The following SHOC2 variants were observed in gnomAD, a reference collection of about 807,000 sequenced individuals.
The protein encoded by SHOC2 is leucine-rich repeat protein SHOC-2.
Under a neutral mutation model 50.2 loss-of-function variants are expected in SHOC2, and 4 were observed. The observed-to-expected ratio is 0.08, with a 90% CI of 0.04 to 0.18. SHOC2 has a LOEUF of 0.18. Among genes scored for constraint, SHOC2 ranks in the 10% least tolerant of loss-of-function variants. The probability of loss-of-function intolerance (pLI) is 1.00; values close to 1 mark genes in which losing one functional copy is unlikely to be tolerated. For synonymous variants in SHOC2, 218 were observed against 244.5 expected, an observed-to-expected ratio of 0.89 and a Z score of 1.01; for missense variants, 388 against 669.6, an observed-to-expected ratio of 0.58 and a Z score of 4.64.
chr10:110,975,361 C>G (rs752531383), intron 2 of SHOC2, among the ~76,000 whole-genome samples: 1 of 151,992 alleles, frequency 6.6e-6, no homozygotes, highest in Non-Finnish European at 1.5e-5. Flanking sequence ...TTCACCGTGT[C>G]TCGATCTCCT....
intron 1 of SHOC2, among the ~76,000 whole-genome samples, chr10:110,944,515 A>G (rs1337615230): frequency 6.6e-6 from 1 of 151,788 alleles, no homozygotes; most frequent in Non-Finnish European, 1.5e-5. Flanking sequence ...TGCATATCTT[A>G]TAATTTTTTG....
chr10:110,936,942 C>T (rs759568392), intron 1 of SHOC2: 2 of 1,414,010 alleles, frequency 1.4e-6, no homozygotes, highest in South Asian at 2.3e-5. Flanking sequence ...CGGTCCAGAG[C>T]GGCCTGGCCT....
At position 111,012,387 on chromosome 10, in the gene SHOC2, A is replaced by G. The variant is rs1051710493; in HGVS notation, c.*569A>G. 8 of 153,702 alleles carry G rather than the reference A, an allele frequency of 5.2e-5. No homozygotes were observed. The highest frequency in any genetic ancestry group is 1.9e-4 in the African/African-American group (8 of 41,438). 9.5% of individuals were successfully genotyped at this position (153,702 alleles called of 1,614,324 possible). On this transcript the variant is annotated 3_prime_UTR_variant, in exon 9 of 9. Coordinates refer to ENST00000369452, the MANE Select transcript of SHOC2 (RefSeq NM_007373.4). ...ATCTAGAGTTTGAATCCTCTGCTAAAGAATTTGCATCCACTGGTGTAAACA... is the reference window on the plus strand; with the variant it reads ...ATCTAGAGTTTGAATCCTCTGCTAAGGAATTTGCATCCACTGGTGTAAACA...
chr10:111,006,423 T>G lies in SHOC2; in HGVS notation c.1162-1108T>G, dbSNP rs191040558. Among the ~76,000 whole-genome samples the G allele has an allele frequency of 7.2e-3, 1,089 of 152,246 alleles. 10 individuals are homozygous for G. Among genetic ancestry groups the G allele is most frequent in the South Asian group, 0.031 (150 of 4,824 alleles). On this transcript the variant is annotated intron_variant, in intron 5 of 8. Transcript: ENST00000369452. ...TCTCGCTCTGTCACCCAGGCTGGAGTGCAGTGGCGGGATCTCGGCTCACTG... is the reference window on the plus strand; with the variant it reads ...TCTCGCTCTGTCACCCAGGCTGGAGGGCAGTGGCGGGATCTCGGCTCACTG...
intron 8 of SHOC2, among the ~76,000 whole-genome samples, chr10:111,010,462 C>A (rs1208028793): frequency 6.6e-6 from 1 of 152,066 alleles, no homozygotes; most frequent in African/African-American, 2.4e-5. Context: ...ATGTTCTCCT[C>A]ATAGGTGGGA....
chr10:110,999,524 G>A (rs541811349), intron 3 of SHOC2, among the ~76,000 whole-genome samples: 1 of 152,036 alleles, frequency 6.6e-6, no homozygotes, highest in Admixed American at 6.5e-5. Context: ...ATCACTTAAG[G>A]TCAGGAGTTC....
intron 4 of SHOC2, 56 bp downstream of exon 4, chr10:111,000,601 G>T: frequency 6.8e-7 from 1 of 1,477,218 alleles, no homozygotes; most frequent in Non-Finnish European, 9.4e-7. Context: ...GATAATTCAA[G>T]GAAAGCTAGT....
At chr10:111,009,479 C>G in intron 7 of SHOC2, 94 bp downstream of exon 7, 1 of 1,154,786 alleles carries the variant, frequency 8.7e-7, no homozygotes, top group Non-Finnish European at 1.3e-6. Flanking sequence ...ATTCTTGGAT[C>G]AGATAGACTT....
intron 1 of SHOC2, among the ~76,000 whole-genome samples, chr10:110,952,443 A>G (rs2134105622): frequency 6.6e-6 from 1 of 152,318 alleles, no homozygotes; most frequent in South Asian, 2.1e-4. Context: ...GTGTAATGAC[A>G]TATAACTATC....
At chr10:110,963,051 C>G (rs751673472) in intron 1 of SHOC2, among the ~76,000 whole-genome samples, 1 of 152,132 alleles carries the variant, frequency 6.6e-6, no homozygotes, top group Non-Finnish European at 1.5e-5. Flanking sequence ...GGTAGTCTGA[C>G]AAAATTCTAA....
chr10:110,991,185 G>A (rs905783624), intron 3 of SHOC2, among the ~76,000 whole-genome samples: 2 of 152,124 alleles, frequency 1.3e-5, no homozygotes, highest in Admixed American at 6.5e-5. Flanking sequence ...AGGGGCATGC[G>A]ATTAAAGTAC....
intron 1 of SHOC2, among the ~76,000 whole-genome samples, chr10:110,938,735 G>A (rs1028268921): frequency 6.6e-6 from 1 of 152,098 alleles, no homozygotes; most frequent in African/African-American, 2.4e-5. Context: ...ATTTGATAGT[G>A]GAACTAAATG....
chr10:110,931,013 T>C (rs1166959466), intron 1 of SHOC2, among the ~76,000 whole-genome samples: 2 of 152,130 alleles, frequency 1.3e-5, no homozygotes, highest in Non-Finnish European at 1.5e-5. Flanking sequence ...CTCTAAACTC[T>C]TGTTTTCCTA....
chr10:110,981,207 C>A (rs1847970029), intron 2 of SHOC2, among the ~76,000 whole-genome samples: 1 of 152,132 alleles, frequency 6.6e-6, no homozygotes, highest in South Asian at 2.1e-4. Flanking sequence ...CTCTAGCCTC[C>A]CTCAAATCAC....
At chr10:110,967,462 A>T (rs898985508) in intron 2 of SHOC2, among the ~76,000 whole-genome samples, 1 of 152,242 alleles carries the variant, frequency 6.6e-6, no homozygotes, top group Admixed American at 6.5e-5. Flanking sequence ...TGGGTTTAAC[A>T]GTTTAATTAT....
At chr10:110,951,096 A>G (rs1847342921) in intron 1 of SHOC2, among the ~76,000 whole-genome samples, 1 of 152,218 alleles carries the variant, frequency 6.6e-6, no homozygotes, top group African/African-American at 2.4e-5. Flanking sequence ...CAGAGTGAAC[A>G]ATAATTGACA....
chr10:110,939,298 A>G (rs1319906440), intron 1 of SHOC2, among the ~76,000 whole-genome samples: 1 of 151,964 alleles, frequency 6.6e-6, no homozygotes, highest in Non-Finnish European at 1.5e-5. Flanking sequence ...GGCTCACTGT[A>G]GCTCCTATCT....
chr10:110,938,576 T>C (rs1355594664), intron 1 of SHOC2, among the ~76,000 whole-genome samples: 1 of 152,192 alleles, frequency 6.6e-6, no homozygotes, highest in Non-Finnish European at 1.5e-5. Flanking sequence ...TGATAGATAT[T>C]TCCCAAAAAG....
At chr10:110,999,736 CAAAAAAAAA>C (rs145780250) in intron 3 of SHOC2, among the ~76,000 whole-genome samples, 5 of 81,690 alleles carry the variant, frequency 6.1e-5, no homozygotes, top group Admixed American at 1.3e-4. Context: ...GACTCAGTCT[CAAAAAAAAA>C]AAAAAAAAAA....
Sources: gnomAD v4.1 joint callset for allele counts (sites outside exome capture counted in the v4.1 genomes callset) on GRCh38, gnomAD v4.1.1 for gene constraint, MANE v1.5 for transcripts, NCBI Gene and HGNC (gene_info 2026-07-23, HGNC 2026-07-21) for gene names.